HPN: variants seen among roughly 807,000 people sequenced by gnomAD.
The protein encoded by HPN is serine protease hepsin.
In HPN, 13 loss-of-function variants were observed where a neutral mutation model predicts 55.9. That is an observed-to-expected ratio of 0.23 (90% CI 0.15 to 0.37). The LOEUF is 0.37. HPN is among the 10% of genes least tolerant of loss of function. The probability of loss-of-function intolerance (pLI) is 1.00; values close to 1 mark genes in which losing one functional copy is unlikely to be tolerated. For missense variants in HPN, 451 were observed against 575.8 expected (o/e 0.78, Z 2.22); for synonymous variants, 225 against 240.3 (o/e 0.94, Z 0.59).
intron 4 of HPN, among the ~76,000 whole-genome samples, chr19:35,050,076 T>C (rs947499565): frequency 2.0e-5 from 3 of 152,116 alleles, no homozygotes; most frequent in Non-Finnish European, 4.4e-5. Context: ...GGAGGCATGA[T>C]ATAAATTCAG....
intron 10 of HPN, 83 bp downstream of exon 10, chr19:35,065,428 G>T: frequency 6.4e-7 from 1 of 1,564,116 alleles, no homozygotes; most frequent in Non-Finnish European, 8.7e-7. Context: ...CTGGTTGGAT[G>T]AGTCTTGACC....
At position 35,065,425 on chromosome 19, in the gene HPN, GATGAGTCTTGACC is replaced by G. The variant is rs148173629; in HGVS notation, c.907+86_908-96del. The G allele has an allele frequency of 1.0e-4, 157 of 1,563,542 alleles. 2 individuals carry two copies. In the East Asian group the frequency reaches 3.4e-3, roughly 34 times the overall value. On this transcript the variant is annotated intron_variant, in intron 10 of 12. Transcript: ENST00000672452. ...TGGGGATGGGCAGTCTGGCTGGTTG[GATGAGTCTTGACC>G]ATGAGGAGTAGGGACGCTGAGGGGA...
chr19:35,062,094 AAAGG>A (rs1299326044), intron 9 of HPN, among the ~76,000 whole-genome samples: 4 of 152,086 alleles, frequency 2.6e-5, no homozygotes, highest in Admixed American at 1.3e-4. Context: ...GAAAGAAAAG[AAAGG>A]AAGGAAGGAA....
Position 35,066,333 on chromosome 19 carries a change from G to C in HPN, c.*46G>C. On this transcript the variant is annotated 3_prime_UTR_variant, in exon 13 of 13. Transcript: ENST00000672452. ...AGCCTCCAGGGCCCGAGGTGATCCC[G>C]GTGGTGGGATCCACGCTGGGCCTAG... The C allele has an allele frequency of 6.3e-7, 1 of 1,588,898 alleles. No individual in the cohort carries two copies. The highest frequency in any genetic ancestry group is 8.6e-7 in the Non-Finnish European group (1 of 1,168,946).
At chr19:35,047,654 G>A (rs911739913) in intron 2 of HPN, among the ~76,000 whole-genome samples, 1 of 151,954 alleles carries the variant, frequency 6.6e-6, no homozygotes, top group Admixed American at 6.6e-5. Flanking sequence ...GGCACACAGC[G>A]GATGTTCAGT....
intron 2 of HPN, among the ~76,000 whole-genome samples, chr19:35,047,771 G>A (rs2064356056): frequency 1.3e-5 from 2 of 151,988 alleles, no homozygotes; most frequent in African/African-American, 2.4e-5. Context: ...GCTGAGACAA[G>A]CAGATAACTT....
Position 35,065,930 on chromosome 19 carries a change from G to A in HPN, c.1113G>A (p.Leu371=). Reference sequence around the variant, plus strand: ...TCTCTCGGACGCCACGTTGGCGGCTGTGTGGCATTGTGAGTTGGGGCACTG... The same window carrying A: ...TCTCTCGGACGCCACGTTGGCGGCTATGTGGCATTGTGAGTTGGGGCACTG... ...DSISRTPRWR[L]CGIVSWGTGC... Residue 371 remains leucine (L), a synonymous_variant, in exon 12 of 13, where the codon CTG becomes CTA. Transcript: ENST00000672452. 1 of 1,614,056 alleles carries A rather than the reference G, an allele frequency of 6.2e-7. No homozygotes were observed. Among genetic ancestry groups the A allele is most frequent in the Non-Finnish European group, 8.5e-7 (1 of 1,180,040 alleles).
At chr19:35,041,623 C>T (rs1240419197), upstream of HPN, 2 of 1,156,928 alleles carry the variant, frequency 1.7e-6, no homozygotes, top group Non-Finnish European at 1.1e-6. Flanking sequence ...CCCCACAAGC[C>T]CGGCCCCATC....
intron 1 of HPN, 48 bp from the exon 2 acceptor site, chr19:35,042,405 C>T: frequency 6.6e-7 from 1 of 1,520,962 alleles, no homozygotes; most frequent in African/African-American, 1.4e-5. Context: ...CAGGACTGGG[C>T]TGGGCTGGGC....
Position 35,042,483 on chromosome 19 carries a change from G to C in HPN, c.-24G>C. ...ACCCTGGCCCAGGAGGTCAGCCAGG[G>C]AATCATTAACAAGAGGCAGTGACAT... is the stretch of plus-strand genomic sequence containing the variant. On this transcript the variant is annotated 5_prime_UTR_variant, in exon 2 of 13. Coordinates refer to ENST00000672452, the MANE Select transcript of HPN (RefSeq NM_001384133.1). 6.2e-7 allele frequency: 1 copy of C among 1,605,640 alleles called. No individual in the cohort carries two copies. The highest frequency in any genetic ancestry group is 1.1e-5 in the South Asian group (1 of 89,084).
Position 35,060,791 on chromosome 19 carries a change from A to G in HPN, c.785A>G (p.His262Arg). The change falls in exon 9 of 13, where the codon CAC becomes CGC. Residue 262 changes from histidine (H) to arginine (R), a missense_variant. Transcript: ENST00000672452. ...AACAGCAACGATATTGCCCTGGTCC[A>G]CCTCTCCAGTCCCCTGCCCCTCACA... ...EENSNDIALV[H>R]LSSPLPLTEY... is the part of the protein sequence containing the mutation. 6.3e-7 allele frequency: 1 copy of G among 1,597,208 alleles called. No individual in the cohort carries two copies. The highest frequency in any genetic ancestry group is 8.5e-7 in the Non-Finnish European group (1 of 1,171,122).
chr19:35,041,904 C>T, intron 1 of HPN, 32 bp downstream of exon 1: 2 of 1,319,518 alleles, frequency 1.5e-6, no homozygotes, highest in Non-Finnish European at 9.9e-7. Flanking sequence ...CTCACAGTTC[C>T]AGCCCTGAGG....
chr19:35,060,498 C>T lies in HPN; in HGVS notation c.606C>T (p.Ala202=), dbSNP rs1246136699. 6.2e-7 allele frequency: 1 copy of T among 1,612,928 alleles called. No individual in the cohort carries two copies. Among genetic ancestry groups the T allele is most frequent in the South Asian group, 1.1e-5 (1 of 91,058 alleles). The change falls in exon 8 of 13, where the codon GCC becomes GCT. Residue 202 remains alanine, a synonymous_variant. Coordinates refer to ENST00000672452, the MANE Select transcript of HPN (RefSeq NM_001384133.1). ...CCGGGGACTGGGTGCTGACAGCCGC[C>T]CACTGCTTCCCGGAGTGAGTGCCCC... The part of the protein sequence containing the change: ...LLSGDWVLTA[A]HCFPERNRVL...
chr19:35,054,037 G>T (rs1334636883), intron 4 of HPN, among the ~76,000 whole-genome samples: 1 of 152,242 alleles, frequency 6.6e-6, no homozygotes, highest in Non-Finnish European at 1.5e-5. Flanking sequence ...CTGGGTTCAA[G>T]TCCCGGTTTT....
chr19:35,044,190 G>A (rs1443999361), intron 2 of HPN, among the ~76,000 whole-genome samples: 1 of 152,220 alleles, frequency 6.6e-6, no homozygotes, highest in African/African-American at 2.4e-5. Context: ...CGGTGCGTCC[G>A]TGTGTGATTC....
At chr19:35,051,460 G>C (rs762745200) in intron 4 of HPN, among the ~76,000 whole-genome samples, 3 of 152,112 alleles carry the variant, frequency 2.0e-5, no homozygotes, top group Non-Finnish European at 4.4e-5. Context: ...TGCCCAGTCT[G>C]ATCTTGAACT....
intron 2 of HPN, among the ~76,000 whole-genome samples, chr19:35,048,076 GAAAGAA>G (rs1222586651): frequency 0.084 from 4,805 of 57,406 alleles, 376 homozygotes; most frequent in African/African-American, 0.25. Context: ...AAGAAAGAAA[GAAAGAA>G]AAGGAAGGAA....
intron 9 of HPN, among the ~76,000 whole-genome samples, chr19:35,061,836 T>G (rs1036360500): frequency 1.3e-5 from 2 of 151,990 alleles, no homozygotes; most frequent in African/African-American, 4.8e-5. Flanking sequence ...GCAGCTGAGA[T>G]GGGAGGATTG....
chr19:35,060,504 C>A lies in HPN; in HGVS notation c.612C>A (p.Cys204Ter). The change falls in exon 8 of 13, where the codon TGC becomes TGA. Residue 204 changes from cysteine (C) to a stop codon, truncating the protein, a stop_gained. Transcript: ENST00000672452. LOFTEE classifies it high-confidence loss of function. ...SGDWVLTAAH[C>*]FPERNRVLSR... ...ACTGGGTGCTGACAGCCGCCCACTG[C>A]TTCCCGGAGTGAGTGCCCCCCAATG... 1 of 1,612,660 alleles carries A rather than the reference C, an allele frequency of 6.2e-7. No individual in the cohort carries two copies. Among genetic ancestry groups the A allele is most frequent in the Non-Finnish European group, 8.5e-7 (1 of 1,179,682 alleles).
Sources: allele counts gnomAD v4.1 joint callset (sites outside exome capture counted in the v4.1 genomes callset), GRCh38; gene constraint gnomAD v4.1.1; transcripts MANE v1.5; gene names NCBI Gene and HGNC (gene_info 2026-07-23, HGNC 2026-07-21).